The following CADPS2 variants were observed in gnomAD, a reference collection of about 807,000 sequenced individuals.
The protein encoded by CADPS2 is calcium dependent secretion activator 2.
CADPS2 carries 93 observed loss-of-function variants against 172.5 expected under a neutral mutation model. The ratio of observed to expected loss-of-function variants is 0.54; its 90% CI spans 0.46 to 0.64. The LOEUF is 0.64. Among genes scored for constraint, CADPS2 ranks in the 30% least tolerant of loss-of-function variants. The probability of loss-of-function intolerance (pLI) is 0.00; values close to 1 mark genes in which losing one functional copy is unlikely to be tolerated. For missense variants in CADPS2, 1,420 were observed against 1,565.9 expected, an observed-to-expected ratio of 0.91 and a Z score of 1.57; for synonymous variants, 546 against 555.2, an observed-to-expected ratio of 0.98 and a Z score of 0.23.
At chr7:122,347,426 T>C (rs1432813688) in intron 27 of CADPS2, among the ~76,000 whole-genome samples, 1 of 152,162 alleles carries the variant, frequency 6.6e-6, no homozygotes, top group Non-Finnish European at 1.5e-5. Context: ...GTTATTTCTG[T>C]GCAGTAAGAA....
chr7:122,325,231 G>C (rs2033579048), intron 29 of CADPS2, among the ~76,000 whole-genome samples: 1 of 152,204 alleles, frequency 6.6e-6, no homozygotes, highest in East Asian at 1.9e-4. Context: ...AGGTAACTGT[G>C]CTGGGGCTTT....
At chr7:122,712,415 C>T (rs2088893076) in intron 2 of CADPS2, among the ~76,000 whole-genome samples, 1 of 152,114 alleles carries the variant, frequency 6.6e-6, no homozygotes, top group Non-Finnish European at 1.5e-5. Flanking sequence ...GATTATTTCA[C>T]TCATTCGAAT....
At chr7:122,698,799 A>C in intron 2 of CADPS2, 3 of 1,613,982 alleles carry the variant, frequency 1.9e-6, no homozygotes, top group Non-Finnish European at 2.5e-6. Context: ...TGTTCATATA[A>C]GCCATCCAAA....
chr7:122,872,482 G>A (rs982013795), intron 1 of CADPS2, among the ~76,000 whole-genome samples: 2 of 151,954 alleles, frequency 1.3e-5, no homozygotes. Flanking sequence ...ACAAGAATGG[G>A]CTTTATCTCA....
intron 3 of CADPS2, among the ~76,000 whole-genome samples, chr7:122,643,422 G>A (rs1341931502): frequency 1.3e-5 from 2 of 152,082 alleles, no homozygotes; most frequent in African/African-American, 2.4e-5. Flanking sequence ...CATGAGCTCT[G>A]TCCTCAGCTG....
intron 1 of CADPS2, among the ~76,000 whole-genome samples, chr7:122,766,311 C>T (rs1033851006): frequency 1.3e-5 from 2 of 152,094 alleles, no homozygotes; most frequent in African/African-American, 4.8e-5. Flanking sequence ...GAGGACAAAT[C>T]ACATCCAAAC....
Position 122,353,610 on chromosome 7 carries a change from T to A in CADPS2, c.3504+7178A>T, listed in dbSNP as rs908980208. Among the ~76,000 whole-genome samples the A allele has an allele frequency of 3.3e-5, 5 of 152,210 alleles. No individual in the cohort carries two copies. In the East Asian group the frequency reaches 5.8e-4, roughly 18 times the overall value. The stretch of plus-strand genomic sequence containing the variant: ...ATAAGACCATTTTAAATAGGGATTT[T>A]AAAAATCAACATACATCCTTAAACC... On this transcript the variant is annotated intron_variant, in intron 27 of 29. Transcript: ENST00000449022.
At chr7:122,839,122 C>T (rs945424267) in intron 1 of CADPS2, among the ~76,000 whole-genome samples, 2 of 152,130 alleles carry the variant, frequency 1.3e-5, no homozygotes, top group South Asian at 4.1e-4. Flanking sequence ...AGAAATAATA[C>T]CACACATCTA....
intron 1 of CADPS2, among the ~76,000 whole-genome samples, chr7:122,853,050 T>A (rs1335638422): frequency 6.6e-6 from 1 of 152,192 alleles, no homozygotes; most frequent in East Asian, 1.9e-4. Flanking sequence ...ATGACTATAA[T>A]CATAGGAACC....
At chr7:122,760,268 C>T (rs918431269) in intron 1 of CADPS2, among the ~76,000 whole-genome samples, 3 of 151,978 alleles carry the variant, frequency 2.0e-5, no homozygotes, top group Admixed American at 6.6e-5. Flanking sequence ...TCATATTGTA[C>T]AGCAATCCCC....
intron 1 of CADPS2, among the ~76,000 whole-genome samples, chr7:122,863,435 T>C (rs1268220300): frequency 1.3e-5 from 2 of 152,080 alleles, no homozygotes; most frequent in Admixed American, 6.5e-5. Flanking sequence ...CCCTACCCAC[T>C]AAATACCGTA....
intron 9 of CADPS2, among the ~76,000 whole-genome samples, chr7:122,494,403 T>G (rs927100253): frequency 2.0e-5 from 3 of 152,176 alleles, no homozygotes; most frequent in African/African-American, 7.2e-5. Context: ...ATGGCATGAC[T>G]ATATAGGATA....
intron 6 of CADPS2, among the ~76,000 whole-genome samples, chr7:122,594,238 C>T (rs528641770): frequency 1.3e-5 from 2 of 151,838 alleles, no homozygotes; most frequent in East Asian, 2.0e-4. Context: ...TGATCAAGAC[C>T]AGCTTGGGCA....
chr7:122,846,734 A>G (rs1812086053), intron 1 of CADPS2, among the ~76,000 whole-genome samples: 1 of 152,192 alleles, frequency 6.6e-6, no homozygotes, highest in Non-Finnish European at 1.5e-5. Flanking sequence ...AACAAAACAC[A>G]AAAGTACTAA....
chr7:122,606,441 C>T (rs1173189841), intron 6 of CADPS2, among the ~76,000 whole-genome samples: 3 of 152,094 alleles, frequency 2.0e-5, no homozygotes, highest in South Asian at 2.1e-4. Context: ...TGAAAAACAT[C>T]GTCCCAGTTA....
intron 14 of CADPS2, among the ~76,000 whole-genome samples, chr7:122,459,623 C>T (rs2054211662): frequency 1.3e-5 from 2 of 152,246 alleles, no homozygotes; most frequent in East Asian, 3.9e-4. Flanking sequence ...ATGATGCTAT[C>T]TTGCTGATTA....
chr7:122,803,974 G>GAA (rs869246600), intron 1 of CADPS2, among the ~76,000 whole-genome samples: 8,994 of 84,562 alleles, frequency 0.11, 418 homozygotes, highest in Middle Eastern at 0.17. Context: ...GGCTTGAATG[G>GAA]AAAAAAAAAA....
intron 20 of CADPS2, among the ~76,000 whole-genome samples, chr7:122,404,184 T>C (rs1474410134): frequency 6.6e-6 from 1 of 151,164 alleles, no homozygotes; most frequent in Non-Finnish European, 1.5e-5. Flanking sequence ...GATGTTCCCC[T>C]TCCTGTGTTC....
At chr7:122,774,200 AAATT>A in intron 1 of CADPS2, among the ~76,000 whole-genome samples, 1 of 151,858 alleles carries the variant, frequency 6.6e-6, no homozygotes, top group South Asian at 2.1e-4. Flanking sequence ...TTGAAGTTAA[AAATT>A]AATTTGCTAA....
Sources: gnomAD v4.1 joint callset for allele counts (sites outside exome capture counted in the v4.1 genomes callset) on GRCh38, gnomAD v4.1.1 for gene constraint, MANE v1.5 for transcripts, NCBI Gene and HGNC (gene_info 2026-07-23, HGNC 2026-07-21) for gene names.